STPG2: variants seen among roughly 807,000 people sequenced by gnomAD.
The protein encoded by STPG2 is sperm-tail PG-rich repeat-containing protein 2.
STPG2 carries 56 observed loss-of-function variants against 54.2 expected under a neutral mutation model. The ratio of observed to expected loss-of-function variants is 1.03; its 90% confidence interval spans 0.83 to 1.29. STPG2 has a LOEUF of 1.29. STPG2 is among the 50% of genes most tolerant of loss of function. The pLI is 0.00. For synonymous variants in STPG2, 200 were observed against 181.8 expected (o/e 1.10, Z -0.81); for missense variants, 596 against 544.9 (o/e 1.09, Z -0.93).
intron 10 of STPG2, among the ~76,000 whole-genome samples, chr4:97,682,818 G>A (rs752935887): frequency 6.6e-6 from 1 of 151,630 alleles, no homozygotes; most frequent in Non-Finnish European, 1.5e-5. Flanking sequence ...TTAAGTCCTT[G>A]GTGCTAACCA....
chr4:97,683,145 C>A (rs1382374457), intron 10 of STPG2, among the ~76,000 whole-genome samples: 1 of 151,744 alleles, frequency 6.6e-6, no homozygotes, highest in Non-Finnish European at 1.5e-5. Flanking sequence ...GCAGTATGGT[C>A]AAAAGTATAT....
At chr4:97,927,140 A>C (rs779794409) in intron 8 of STPG2, among the ~76,000 whole-genome samples, 2 of 152,144 alleles carry the variant, frequency 1.3e-5, no homozygotes, top group Non-Finnish European at 2.9e-5. Context: ...GATACACAAA[A>C]TATTTAACAA....
chr4:97,848,850 T>A (rs934697350), intron 8 of STPG2, among the ~76,000 whole-genome samples: 1 of 150,572 alleles, frequency 6.6e-6, no homozygotes, highest in Non-Finnish European at 1.5e-5. Context: ...TTCTGTTCCA[T>A]TGATCTATAT....
rs368323915 is a variant in STPG2, at chr4:97,676,915, C to T, written c.1320+35784G>A. Among the ~76,000 whole-genome samples the T allele has an allele frequency of 3.3e-5, 5 of 152,306 alleles. No homozygotes were observed. In the East Asian group the frequency reaches 5.8e-4, roughly 18 times the overall value. On this transcript the variant is annotated intron_variant, in intron 10 of 10. Transcript: ENST00000295268. ...CCTGCATTTTTAAACTCTCTGATGG[C>T]TTCTCCCATATCTTAGTACTTTTAT...
chr4:97,653,078 T>C (rs926701939), intron 10 of STPG2, among the ~76,000 whole-genome samples: 2 of 149,922 alleles, frequency 1.3e-5, no homozygotes, highest in African/African-American at 4.9e-5. Flanking sequence ...ATTAGGTAGA[T>C]AGATGATTGA....
At chr4:97,553,686 T>C (rs1202953782) in intron 4 of STPG2, among the ~76,000 whole-genome samples, 1 of 152,238 alleles carries the variant, frequency 6.6e-6, no homozygotes, top group Admixed American at 6.5e-5. Flanking sequence ...AAAATCCTTC[T>C]ACCTCTCTTG....
At chr4:97,690,770 G>A (rs1269662838) in intron 10 of STPG2, among the ~76,000 whole-genome samples, 3 of 151,974 alleles carry the variant, frequency 2.0e-5, no homozygotes, top group Admixed American at 6.6e-5. Flanking sequence ...AAGAAAGAAA[G>A]CTGCATTAAA....
At chr4:97,473,295 G>C (rs1474462413) in intron 4 of STPG2, among the ~76,000 whole-genome samples, 1 of 152,284 alleles carries the variant, frequency 6.6e-6, no homozygotes, top group East Asian at 1.9e-4. Flanking sequence ...AAGCAAATGG[G>C]AGAAATATCG....
At chr4:97,955,566 C>T (rs563427140) in intron 7 of STPG2, among the ~76,000 whole-genome samples, 1 of 152,080 alleles carries the variant, frequency 6.6e-6, no homozygotes, top group East Asian at 1.9e-4. Context: ...AGTTCTAACA[C>T]ATATATTTAT....
chr4:97,842,433 C>G (rs1459444143), intron 8 of STPG2, among the ~76,000 whole-genome samples: 1 of 151,828 alleles, frequency 6.6e-6, no homozygotes, highest in African/African-American at 2.4e-5. Context: ...TATAAAAACA[C>G]AAAGAGATCC....
chr4:98,020,296 T>C (rs1214069897), intron 5 of STPG2, among the ~76,000 whole-genome samples: 2 of 131,430 alleles, frequency 1.5e-5, no homozygotes, highest in Admixed American at 1.5e-4. Flanking sequence ...TTGTCTTTGG[T>C]TCTGTTCATA....
intron 9 of STPG2, among the ~76,000 whole-genome samples, chr4:97,807,090 C>T (rs1448913267): frequency 6.6e-6 from 1 of 151,324 alleles, no homozygotes; most frequent in Non-Finnish European, 1.5e-5. Flanking sequence ...CAATGTTTTT[C>T]TATAATATAA....
chr4:97,713,216 T>C (rs528899793), intron 9 of STPG2, among the ~76,000 whole-genome samples: 1 of 152,320 alleles, frequency 6.6e-6, no homozygotes, highest in East Asian at 1.9e-4. Context: ...AATAGCATTC[T>C]GGGCAGTAAA....
intron 4 of STPG2, among the ~76,000 whole-genome samples, chr4:97,474,368 G>T (rs1730020326): frequency 6.6e-6 from 1 of 152,148 alleles, no homozygotes; most frequent in Non-Finnish European, 1.5e-5. Context: ...ACACGAAAAA[G>T]CGATAATGAT....
chr4:98,107,221 A>C (rs1739214263), intron 4 of STPG2, among the ~76,000 whole-genome samples: 1 of 152,176 alleles, frequency 6.6e-6, no homozygotes, highest in African/African-American at 2.4e-5. Context: ...TCTTTCATTT[A>C]GAGTAACCAA....
At position 97,553,645 on chromosome 4, in the gene STPG2, C is replaced by T. The variant is rs140660452; in HGVS notation, c.462+159054G>A. Reference sequence around the variant, plus strand: ...TGCCACCTAACTGGGGTCAAATTTACTCTGCTTCTCAAGATCTGCAATATC... The same window carrying T: ...TGCCACCTAACTGGGGTCAAATTTATTCTGCTTCTCAAGATCTGCAATATC... On this transcript the variant is annotated intron_variant, in intron 4 of 4. Coordinates refer to the STPG2 transcript ENST00000522676. 4.1e-3 allele frequency among the ~76,000 whole-genome samples: 629 copies of T among 152,326 alleles called. 3 individuals are homozygous for T. The highest frequency in any genetic ancestry group is 0.02 in the South Asian group (98 of 4,824).
In STPG2 at chr4:97,902,330, C is replaced by T. The variant is rs531015367; in HGVS notation, c.1044+41567G>A. ...ACTATATAAAACTTAAAAGCTTCTG[C>T]GCTGCAAAGGAGACAATCAACAAAA... On this transcript the variant is annotated intron_variant, in intron 8 of 10. Transcript: ENST00000295268. Among the ~76,000 whole-genome samples, 72 of 152,012 alleles carry T rather than the reference C, an allele frequency of 4.7e-4. No homozygotes were observed. The South Asian group carries it at 5.0e-3, about 11-fold the overall frequency.
intron 3 of STPG2, among the ~76,000 whole-genome samples, chr4:98,119,523 T>A (rs1243128111): frequency 6.6e-6 from 1 of 152,028 alleles, no homozygotes; most frequent in Non-Finnish European, 1.5e-5. Context: ...AAGATACAAT[T>A]GAGGTAATTA....
At chr4:97,729,991 T>C (rs1305447404) in intron 9 of STPG2, among the ~76,000 whole-genome samples, 1 of 152,148 alleles carries the variant, frequency 6.6e-6, no homozygotes, top group Admixed American at 6.6e-5. Flanking sequence ...GGTGAAGTCT[T>C]TAGGGCTTTT....
Sources: allele counts gnomAD v4.1 joint callset (sites outside exome capture counted in the v4.1 genomes callset), GRCh38; gene constraint gnomAD v4.1.1; transcripts MANE v1.5; gene names NCBI Gene and HGNC (gene_info 2026-07-23, HGNC 2026-07-21).